ZNF385D: variants seen among roughly 807,000 people sequenced by gnomAD.
ZNF385D encodes zinc finger protein 385D.
A neutral mutation model predicts 35.8 loss-of-function variants in ZNF385D; 15 were observed. The observed-to-expected ratio is 0.42, with a 90% CI of 0.28 to 0.64. The LOEUF (loss-of-function observed/expected upper bound fraction) is 0.64. Ranked by LOEUF, ZNF385D falls within the 30% of genes least tolerant of loss-of-function variation. ZNF385D has a pLI of 0.23. For missense variants in ZNF385D, 474 were observed against 494.6 expected (o/e 0.96, Z 0.39); for synonymous variants, 212 against 186.8 (o/e 1.13, Z -1.10).
chr3:21,661,276 G>A lies in ZNF385D; in HGVS notation c.165+3610C>T, dbSNP rs568999344. Among the ~76,000 whole-genome samples the A allele has an allele frequency of 1.8e-3, 279 of 152,218 alleles. 1 individual carries two copies. Among genetic ancestry groups the A allele is most frequent in the African/African-American group, 6.4e-3 (266 of 41,548 alleles). ...GACAACCATACAGCCATTTGCTCCT[G>A]TACTCAAGCTAACATTCTATGCTGT... On this transcript the variant is annotated intron_variant, in intron 2 of 7. Coordinates refer to ENST00000281523, the MANE Select transcript of ZNF385D (RefSeq NM_024697.3).
chr3:22,280,201 A>C (rs1197825780), intron 2 of ZNF385D, among the ~76,000 whole-genome samples: 1 of 152,012 alleles, frequency 6.6e-6, no homozygotes, highest in African/African-American at 2.4e-5. Context: ...TAGATTGTGA[A>C]GATTTTCTCC....
intron 3 of ZNF385D, among the ~76,000 whole-genome samples, chr3:21,809,793 CAAG>C (rs1350404628): frequency 2.0e-5 from 3 of 151,164 alleles, no homozygotes; most frequent in Non-Finnish European, 2.9e-5. Context: ...AAAAAATGTG[CAAG>C]AAGGCAAGGA....
At chr3:22,135,800 G>T (rs1359962614) in intron 3 of ZNF385D, among the ~76,000 whole-genome samples, 3 of 152,166 alleles carry the variant, frequency 2.0e-5, no homozygotes, top group African/African-American at 7.2e-5. Context: ...CAATATAACA[G>T]AAGAGAGAGT....
intron 3 of ZNF385D, among the ~76,000 whole-genome samples, chr3:22,105,619 A>G (rs922212265): frequency 2.7e-5 from 4 of 150,690 alleles, no homozygotes; most frequent in Non-Finnish European, 5.9e-5. Flanking sequence ...TGAGGGACTG[A>G]GAACCAGGAC....
intron 1 of ZNF385D, among the ~76,000 whole-genome samples, chr3:21,729,247 A>T (rs188102199): frequency 1.3e-5 from 2 of 152,294 alleles, no homozygotes; most frequent in African/African-American, 2.4e-5. Context: ...AAAGACATAT[A>T]AGCAACGAAA....
chr3:21,473,083 A>C (rs148960405), intron 4 of ZNF385D, among the ~76,000 whole-genome samples: 56 of 152,176 alleles, frequency 3.7e-4, no homozygotes, highest in African/African-American at 1.3e-3. Flanking sequence ...CCTAACTTCT[A>C]ATCTACTCCC....
intron 3 of ZNF385D, among the ~76,000 whole-genome samples, chr3:21,832,188 T>G (rs1196537027): frequency 1.3e-5 from 2 of 152,146 alleles, no homozygotes; most frequent in Non-Finnish European, 2.9e-5. Flanking sequence ...ACTGTGTGCC[T>G]TATTTGTTTT....
chr3:21,909,101 G>A (rs1391187603), intron 3 of ZNF385D, among the ~76,000 whole-genome samples: 1 of 151,858 alleles, frequency 6.6e-6, no homozygotes, highest in Non-Finnish European at 1.5e-5. Context: ...ATAGCACTAG[G>A]GTTGAAAACA....
intron 2 of ZNF385D, among the ~76,000 whole-genome samples, chr3:22,364,251 TAGAC>T (rs1004079647): frequency 2.2e-4 from 33 of 152,084 alleles, no homozygotes; most frequent in Middle Eastern, 3.4e-3. Flanking sequence ...TGACAAAAAA[TAGAC>T]AAATAGGACT....
intron 2 of ZNF385D, among the ~76,000 whole-genome samples, chr3:21,572,691 G>GCTCTGACCC (rs1314703375): frequency 6.6e-6 from 1 of 152,154 alleles, no homozygotes. Flanking sequence ...AGGAATGTCA[G>GCTCTGACCC]CTCTGACCCT....
At chr3:22,024,999 C>A (rs187231666) in intron 3 of ZNF385D, among the ~76,000 whole-genome samples, 1 of 152,094 alleles carries the variant, frequency 6.6e-6, no homozygotes, top group Non-Finnish European at 1.5e-5. Context: ...ACAAAAGATG[C>A]GTGCGCAGCC....
At chr3:22,218,964 A>T (rs1391960522) in intron 2 of ZNF385D, among the ~76,000 whole-genome samples, 2 of 152,110 alleles carry the variant, frequency 1.3e-5, no homozygotes, top group East Asian at 3.9e-4. Flanking sequence ...TATTCACACT[A>T]CAGAGAATGA....
At chr3:22,084,889 T>G (rs1280249334) in intron 3 of ZNF385D, among the ~76,000 whole-genome samples, 6 of 152,198 alleles carry the variant, frequency 3.9e-5, no homozygotes, top group African/African-American at 1.4e-4. Context: ...CAGACCACAG[T>G]GCAATCAAAT....
chr3:21,546,107 A>G (rs2062362577), intron 3 of ZNF385D, among the ~76,000 whole-genome samples: 1 of 152,108 alleles, frequency 6.6e-6, no homozygotes, highest in South Asian at 2.1e-4. Flanking sequence ...AGGAGAAATT[A>G]TGTCCCAAAA....
intron 2 of ZNF385D, among the ~76,000 whole-genome samples, chr3:22,292,180 T>C (rs1301572603): frequency 6.6e-6 from 1 of 152,066 alleles, no homozygotes; most frequent in Non-Finnish European, 1.5e-5. Context: ...CATTACTTCG[T>C]GGGTTATCAT....
intron 3 of ZNF385D, among the ~76,000 whole-genome samples, chr3:21,887,973 C>G (rs1033393965): frequency 1.3e-5 from 2 of 152,046 alleles, no homozygotes; most frequent in African/African-American, 2.4e-5. Context: ...TAACTACTTA[C>G]TAAAAATACA....
intron 4 of ZNF385D, among the ~76,000 whole-genome samples, chr3:21,505,238 A>C (rs1706686906): frequency 6.6e-6 from 1 of 152,102 alleles, no homozygotes; most frequent in African/African-American, 2.4e-5. Flanking sequence ...CATCCAAGTA[A>C]GTGAGCAATG....
chr3:21,860,105 T>C (rs1696966335), intron 3 of ZNF385D, among the ~76,000 whole-genome samples: 2 of 152,096 alleles, frequency 1.3e-5, no homozygotes, highest in East Asian at 1.9e-4. Context: ...AGGATGAATG[T>C]TGAAATAGCA....
intron 1 of ZNF385D, among the ~76,000 whole-genome samples, chr3:21,740,455 C>T (rs1047799503): frequency 9.9e-4 from 151 of 152,250 alleles, no homozygotes; most frequent in African/African-American, 3.4e-3. Flanking sequence ...TTTCAAAATC[C>T]TTTCCAGAAC....
Sources: gnomAD v4.1 joint callset for allele counts (sites outside exome capture counted in the v4.1 genomes callset) on GRCh38, gnomAD v4.1.1 for gene constraint, MANE v1.5 for transcripts, NCBI Gene and HGNC (gene_info 2026-07-23, HGNC 2026-07-21) for gene names.